Variants in NT5DC4 observed in about 807,000 individuals in gnomAD.
NT5DC4 encodes the protein 5'-nucleotidase domain-containing protein 4.
In NT5DC4, 44 loss-of-function variants were observed where a neutral mutation model predicts 26.6. The ratio of observed to expected loss-of-function variants is 1.65; its 90% CI spans 1.30 to 2.13. The LOEUF is 2.13. Among genes scored for constraint, NT5DC4 ranks in the 30% most tolerant of loss-of-function variants. The probability of loss-of-function intolerance (pLI) is 0.00; values close to 1 mark genes in which losing one functional copy is unlikely to be tolerated. For synonymous variants in NT5DC4, 157 were observed against 86.7 expected, an observed-to-expected ratio of 1.81 and a Z score of -4.51; for missense variants, 399 against 228.1, an observed-to-expected ratio of 1.75 and a Z score of -4.83.
intron 16 of NT5DC4, chr2:112,731,101 C>T (rs1558739334): frequency 1.3e-5 from 2 of 152,060 alleles, no homozygotes; most frequent in African/African-American, 2.4e-5. Flanking sequence ...AAGAGAGAAA[C>T]GAGGATCAGG....
chr2:112,733,587 C>T (rs1678730391), intron 16 of NT5DC4, among the ~76,000 whole-genome samples: 2 of 152,218 alleles, frequency 1.3e-5, no homozygotes, highest in Non-Finnish European at 1.5e-5. Flanking sequence ...TGGGTGGGAG[C>T]CTTCTTTGGC....
intron 10 of NT5DC4, 99 bp downstream of exon 10, chr2:112,724,225 C>T: frequency 1.4e-6 from 1 of 708,256 alleles, no homozygotes; most frequent in East Asian, 2.7e-5. Context: ...CCACGTCCAG[C>T]CTCCCTTTGA....
intron 15 of NT5DC4, among the ~76,000 whole-genome samples, chr2:112,728,433 C>T (rs1271682726): frequency 6.6e-6 from 1 of 152,164 alleles, no homozygotes; most frequent in East Asian, 1.9e-4. Flanking sequence ...GAGGTGGCTA[C>T]GATGGCACTG....
In NT5DC4 at chr2:112,721,105, C is replaced by T. The variant is rs1169851437; in HGVS notation, c.26C>T (p.Pro9Leu). ...ATGGCCAGTGTAGACTGGAGAGAGC[C>T]GGAGGGACTGGTCTCCCCTCAAGGC... is the stretch of plus-strand genomic sequence containing the variant. MASVDWRE[P>L]EGLVSPQGPK... The change falls in exon 1 of 17, where the codon CCG becomes CTG. Residue 9 changes from proline to leucine, a missense_variant. Transcript: ENST00000688554. Among the ~76,000 whole-genome samples the T allele has an allele frequency of 2.0e-5, 3 of 151,994 alleles. No homozygotes were observed. Among genetic ancestry groups the T allele is most frequent in the Non-Finnish European group, 4.4e-5 (3 of 67,994 alleles).
In NT5DC4 at chr2:112,722,295, C is replaced by T. The variant is rs1391149694; in HGVS notation, c.362+17C>T. 43 of 716,798 alleles carry T rather than the reference C, an allele frequency of 6.0e-5. No individual in the cohort carries two copies. Among genetic ancestry groups the T allele is most frequent in the Non-Finnish European group, 1.1e-4 (43 of 385,060 alleles). 44.4% of individuals were successfully genotyped at this position (716,798 alleles called of 1,614,324 possible). A position where few individuals can be genotyped will look rare whatever the true frequency, so the allele number is the denominator to read the frequency against. On this transcript the variant is annotated intron_variant, in intron 4 of 16. Transcript: ENST00000688554. ...CCTCTCGGAGTAAGGGACAAAGGTG[C>T]CGGGAGAGTGGCAGGCCAGGAGGGG...
chr2:112,719,775 C>T (rs1032232890), upstream of NT5DC4, among the ~76,000 whole-genome samples: 28 of 150,634 alleles, frequency 1.9e-4, no homozygotes, highest in Admixed American at 1.1e-3. Context: ...TGAGCCACTG[C>T]GCCAGGCCCT....
At chr2:112,732,981 C>T (rs761578089) in intron 16 of NT5DC4, among the ~76,000 whole-genome samples, 3 of 152,128 alleles carry the variant, frequency 2.0e-5, no homozygotes, top group African/African-American at 2.4e-5. Context: ...TTTGGCTCAC[C>T]GTTGTGTCTC....
chr2:112,728,973 T>G (rs1678115333), intron 15 of NT5DC4, among the ~76,000 whole-genome samples: 1 of 152,208 alleles, frequency 6.6e-6, no homozygotes, highest in African/African-American at 2.4e-5. Context: ...ACCGCTCCTG[T>G]GGGCAAAGCT....
At chr2:112,729,001 C>T (rs1371988544) in intron 15 of NT5DC4, among the ~76,000 whole-genome samples, 1 of 152,204 alleles carries the variant, frequency 6.6e-6, no homozygotes, top group East Asian at 1.9e-4. Context: ...CAGGCATAGC[C>T]CTCTGTGCTG....
upstream of NT5DC4, among the ~76,000 whole-genome samples, chr2:112,719,279 G>T: frequency 6.6e-6 from 1 of 152,350 alleles, no homozygotes. Flanking sequence ...GGCATACGCA[G>T]TCCACTGTTG....
chr2:112,732,294 T>A (rs185529966), intron 16 of NT5DC4, among the ~76,000 whole-genome samples: 15 of 152,286 alleles, frequency 9.8e-5, no homozygotes, highest in Non-Finnish European at 1.5e-5. Context: ...TTCCCTGGTT[T>A]GACTTTCAGG....
chr2:112,725,438 A>G lies in NT5DC4; in HGVS notation c.1039A>G (p.Ile347Val), dbSNP rs2104742133. ...GGTTCGGGGGATGGACATCCTGTACATTGGGGACCACATTTTTGGGGACAT... is the reference window on the plus strand; with the variant it reads ...GGTTCGGGGGATGGACATCCTGTACGTTGGGGACCACATTTTTGGGGACAT... ...LGVRGMDILYIGDHIFGDILK... is the reference protein window; with the variant it reads ...LGVRGMDILYVGDHIFGDILK... The change falls in exon 13 of 17, where the codon ATT becomes GTT. Residue 347 changes from isoleucine to valine, a missense_variant. Physicochemically the swap from Ile to Val is conservative, Grantham distance 29 (BLOSUM62 3). Transcript: ENST00000688554. The G allele has an allele frequency of 2.8e-6, 2 of 717,128 alleles. No individual in the cohort carries two copies. The highest frequency in any genetic ancestry group is 5.2e-6 in the Non-Finnish European group (2 of 384,956). 44.4% of individuals were successfully genotyped at this position (717,128 alleles called of 1,614,324 possible).
intron 6 of NT5DC4, 32 bp downstream of exon 6, chr2:112,722,803 G>A (rs780440738): frequency 7.0e-6 from 5 of 716,616 alleles, no homozygotes; most frequent in Non-Finnish European, 1.0e-5. Flanking sequence ...GCCCTGGGAC[G>A]ACCAGTAGGA....
intron 15 of NT5DC4, among the ~76,000 whole-genome samples, chr2:112,727,855 C>T (rs1450550522): frequency 6.6e-6 from 1 of 152,172 alleles, no homozygotes. Flanking sequence ...TGTTCCGCTG[C>T]GGTTTCCGCC....
chr2:112,738,980 T>G lies in NT5DC4; in HGVS notation c.*44T>G. 6.2e-7 allele frequency: 1 copy of G among 1,614,226 alleles called. No individual in the cohort carries two copies. Among genetic ancestry groups the G allele is most frequent in the East Asian group, 2.2e-5 (1 of 44,892 alleles). On this transcript the variant is annotated 3_prime_UTR_variant, in exon 17 of 17. Transcript: ENST00000688554. ...TTCTGGGTAGCGGGACACTGCTCGC[T>G]CAATCCTCGACGAACGCCGTACAGG...
At chr2:112,727,981 G>A (rs1164379390) in intron 15 of NT5DC4, among the ~76,000 whole-genome samples, 1 of 152,214 alleles carries the variant, frequency 6.6e-6, no homozygotes, top group East Asian at 1.9e-4. Flanking sequence ...GAGTTGGTGG[G>A]TCCCTGCGGA....
At chr2:112,741,056 T>C (rs771323983), downstream of NT5DC4, 1 of 1,258,940 alleles carries the variant, frequency 7.9e-7, no homozygotes, top group Non-Finnish European at 1.1e-6. Context: ...AATTTAATAC[T>C]TCAACTAGAA....
intron 10 of NT5DC4, 73 bp from the exon 11 acceptor site, chr2:112,724,708 T>C: frequency 1.4e-6 from 1 of 696,960 alleles, no homozygotes; most frequent in South Asian, 1.5e-5. Flanking sequence ...AGGCAGGCTG[T>C]GGTGGGTGAC....
downstream of NT5DC4, among the ~76,000 whole-genome samples, chr2:112,741,492 A>G (rs1679961841): frequency 6.6e-6 from 1 of 152,222 alleles, no homozygotes; most frequent in Non-Finnish European, 1.5e-5. Context: ...ATGGTAGCCC[A>G]AACACAATCA....
Sources: allele counts gnomAD v4.1 joint callset (sites outside exome capture counted in the v4.1 genomes callset), GRCh38; gene constraint gnomAD v4.1.1; transcripts MANE v1.5; gene names NCBI Gene and HGNC (gene_info 2026-07-23, HGNC 2026-07-21).